TM9SF3: variants seen among roughly 807,000 people sequenced by gnomAD.
TM9SF3 encodes the protein SM-11044-binding protein.
TM9SF3 carries 14 observed loss-of-function variants against 78.6 expected under a neutral mutation model. The ratio of observed to expected loss-of-function variants is 0.18; its 90% CI spans 0.12 to 0.28. TM9SF3 has a LOEUF of 0.28. Ranked by LOEUF, TM9SF3 falls within the 10% of genes least tolerant of loss-of-function variation. TM9SF3 has a pLI of 1.00. For synonymous variants in TM9SF3, 231 were observed against 241.7 expected, an observed-to-expected ratio of 0.96 and a Z score of 0.41; for missense variants, 496 against 721.9, an observed-to-expected ratio of 0.69 and a Z score of 3.59.
chr10:96,520,666 A>C lies in TM9SF3; in HGVS notation c.*1597T>G. ...TGAATAGTTCCAGAAAAATGTATTC[A>C]AATCACTTCTCTTACAAAACTGTAA... On this transcript the variant is annotated 3_prime_UTR_variant, in exon 15 of 15. Coordinates refer to ENST00000371142, the MANE Select transcript of TM9SF3 (RefSeq NM_020123.4). 1 of 383,462 alleles carries C rather than the reference A, an allele frequency of 2.6e-6. No homozygotes were observed. Among genetic ancestry groups the C allele is most frequent in the African/African-American group, 2.1e-5 (1 of 48,276 alleles). 23.8% of individuals were successfully genotyped at this position (383,462 alleles called of 1,614,324 possible).
chr10:96,556,108 AATT>A (rs1308114554), intron 5 of TM9SF3, among the ~76,000 whole-genome samples: 2 of 152,202 alleles, frequency 1.3e-5, no homozygotes, highest in Non-Finnish European at 2.9e-5. Context: ...ATAATTGTGA[AATT>A]ATTATACCAG....
At chr10:96,570,804 G>A (rs563578984) in intron 2 of TM9SF3, among the ~76,000 whole-genome samples, 2 of 152,152 alleles carry the variant, frequency 1.3e-5, no homozygotes, top group African/African-American at 2.4e-5. Context: ...GGAGTGCAGT[G>A]GTACAATCTT....
intron 9 of TM9SF3, chr10:96,543,796 T>C (rs779490068): frequency 5.4e-6 from 1 of 184,548 alleles, no homozygotes; most frequent in African/African-American, 2.3e-5. Context: ...GTTCTTCCCA[T>C]CTCTGATAAA....
intron 9 of TM9SF3, among the ~76,000 whole-genome samples, chr10:96,541,900 G>A (rs986432172): frequency 2.0e-5 from 3 of 152,140 alleles, no homozygotes; most frequent in South Asian, 2.1e-4. Context: ...GGAGCCTTTC[G>A]GCTCACAGAT....
At chr10:96,560,564 T>A in intron 4 of TM9SF3, 1 of 694,444 alleles carries the variant, frequency 1.4e-6, no homozygotes. Context: ...AATCAGAAGA[T>A]GAACAGGAGG....
chr10:96,566,971 T>C (rs1291712764), intron 2 of TM9SF3, among the ~76,000 whole-genome samples: 1 of 152,198 alleles, frequency 6.6e-6, no homozygotes, highest in Non-Finnish European at 1.5e-5. Context: ...GCAAAGCCAT[T>C]GAATTCCTTG....
At chr10:96,560,781 A>G in intron 4 of TM9SF3, 2 of 563,428 alleles carry the variant, frequency 3.5e-6, no homozygotes, top group Middle Eastern at 5.5e-4. Flanking sequence ...TCAGAATGGA[A>G]AAGACTCAAA....
In TM9SF3 at chr10:96,528,074, T is replaced by C. The variant is rs778114771; in HGVS notation, c.1498A>G (p.Ile500Val). 1.9e-6 allele frequency: 3 copies of C among 1,612,848 alleles called. No individual in the cohort carries two copies. Among genetic ancestry groups the C allele is most frequent in the East Asian group, 2.2e-5 (1 of 44,840 alleles). Residue 500 changes from isoleucine to valine, a missense_variant, in exon 12 of 15, where the codon ATT (isoleucine) becomes GTT (valine). This residue lies in a region of TM9SF3 where 280 missense variants were observed against 422.6 expected (regional missense o/e 0.66). Coordinates refer to ENST00000371142, the MANE Select transcript of TM9SF3 (RefSeq NM_020123.4). ...TTTAGTAGAAAATATGTGCACACAA[T>C]AGTCACACAGACAGTCACAATGCAC... ...ILCIVTVCVTIVCTYFLLNAE... is the reference protein window; with the variant it reads ...ILCIVTVCVTVVCTYFLLNAE...
At position 96,559,738 on chromosome 10, in the gene TM9SF3, T is replaced by TA. The variant is rs745424345; in HGVS notation, c.583-3dup. On this transcript the variant is annotated splice_polypyrimidine_tract_variant and splice_region_variant and intron_variant, in intron 4 of 14. Coordinates refer to ENST00000371142, the MANE Select transcript of TM9SF3 (RefSeq NM_020123.4). ...CACATCTGACTTTTTCCATTTTACC[T>TA]AAAAAAAATTTTTTCATTTGAAAAT... The TA allele has an allele frequency of 1.9e-5, 29 of 1,542,200 alleles. No homozygotes were observed. In the African/African-American group the frequency reaches 2.2e-4, roughly 12 times the overall value.
At chr10:96,566,998 T>C (rs1848381051) in intron 2 of TM9SF3, among the ~76,000 whole-genome samples, 1 of 152,146 alleles carries the variant, frequency 6.6e-6, no homozygotes, top group Non-Finnish European at 1.5e-5. Context: ...GAAACAAATA[T>C]TCATTGATAA....
intron 1 of TM9SF3, among the ~76,000 whole-genome samples, chr10:96,583,609 C>T (rs1041659818): frequency 2.6e-5 from 4 of 152,212 alleles, no homozygotes; most frequent in Non-Finnish European, 1.5e-5. Flanking sequence ...CCCACCTCTA[C>T]CCCTACCAGA....
chr10:96,543,907 T>G (rs74151378), intron 9 of TM9SF3, 169 bp downstream of exon 9: 3 of 546,090 alleles, frequency 5.5e-6, no homozygotes, highest in Admixed American at 4.2e-5. Context: ...TAACCAAAAT[T>G]TTATGGAGGC....
chr10:96,527,860 A>G (rs1191271507), intron 12 of TM9SF3, among the ~76,000 whole-genome samples, 171 bp downstream of exon 12: 2 of 152,168 alleles, frequency 1.3e-5, no homozygotes, highest in Admixed American at 6.6e-5. Flanking sequence ...TAAAAATTTG[A>G]TATTTTTTCT....
chr10:96,536,810 G>A (rs1443268609), intron 9 of TM9SF3, among the ~76,000 whole-genome samples: 1 of 152,176 alleles, frequency 6.6e-6, no homozygotes, highest in East Asian at 1.9e-4. Flanking sequence ...TGAAGAGACA[G>A]GGTCTCACTA....
At chr10:96,563,830 G>GT (rs1290074346) in intron 3 of TM9SF3, among the ~76,000 whole-genome samples, 124 of 146,644 alleles carry the variant, frequency 8.5e-4, no homozygotes, top group Admixed American at 1.2e-3. Flanking sequence ...GTACAAAGTT[G>GT]TTTTTTTTTT....
At chr10:96,580,416 C>T (rs770109279) in intron 1 of TM9SF3, among the ~76,000 whole-genome samples, 6 of 152,110 alleles carry the variant, frequency 3.9e-5, no homozygotes, top group African/African-American at 9.7e-5. Flanking sequence ...CAGGCGCCCA[C>T]CACCACACCC....
chr10:96,551,651 A>G (rs1206656927), intron 6 of TM9SF3, among the ~76,000 whole-genome samples: 1 of 152,230 alleles, frequency 6.6e-6, no homozygotes, highest in Non-Finnish European at 1.5e-5. Context: ...AATAACGGAA[A>G]AAGAAAAGGT....
chr10:96,561,902 C>G, intron 4 of TM9SF3, 76 bp downstream of exon 4: 1 of 1,244,126 alleles, frequency 8.0e-7, no homozygotes. Flanking sequence ...TTTTCATTTA[C>G]TAAAGTTCAA....
Position 96,519,123 on chromosome 10 carries a change from A to G in TM9SF3, c.*3140T>C, listed in dbSNP as rs1847729857. ...ACTTTTTGTTTTTTACATTTGTAAA[A>G]ATTCAAGGTTTTAATAACATTTCTT... is the stretch of plus-strand genomic sequence containing the variant. On this transcript the variant is annotated 3_prime_UTR_variant, in exon 15 of 15. Coordinates refer to ENST00000371142, the MANE Select transcript of TM9SF3 (RefSeq NM_020123.4). 1 of 152,104 alleles carries G rather than the reference A, an allele frequency of 6.6e-6. No individual in the cohort carries two copies. Among genetic ancestry groups the G allele is most frequent in the Admixed American group, 6.6e-5 (1 of 15,258 alleles). The allele number at this position is 152,104 out of a possible 1,614,324, so 9.4% of individuals were successfully genotyped here. A position where few individuals can be genotyped will look rare whatever the true frequency, so the allele number is the denominator to read the frequency against.
Sources: allele counts gnomAD v4.1 joint callset (sites outside exome capture counted in the v4.1 genomes callset), GRCh38; gene constraint gnomAD v4.1.1; regional missense constraint gnomAD v4.1.1; transcripts MANE v1.5; gene names NCBI Gene and HGNC (gene_info 2026-07-23, HGNC 2026-07-21).